RIMBP2: variants seen among roughly 807,000 people sequenced by gnomAD.
RIMBP2 encodes RIMS-binding protein 2.
RIMBP2 carries 48 observed loss-of-function variants against 118.6 expected under a neutral mutation model. The observed-to-expected ratio is 0.40, with a 90% confidence interval of 0.32 to 0.51. The LOEUF (loss-of-function observed/expected upper bound fraction) is 0.51. RIMBP2 is among the 20% of genes least tolerant of loss of function. RIMBP2 has a pLI of 0.41. For missense variants in RIMBP2, 1,551 were observed against 1,768.3 expected (o/e 0.88, Z 2.20); for synonymous variants, 762 against 742.9 (o/e 1.03, Z -0.42).
intron 2 of RIMBP2, among the ~76,000 whole-genome samples, chr12:130,569,381 C>G (rs780225250): frequency 6.6e-6 from 1 of 152,212 alleles, no homozygotes; most frequent in African/African-American, 2.4e-5. Context: ...CTTCTTCTCA[C>G]GCCCAGTTCT....
chr12:130,464,768 C>A (rs1007815620), intron 6 of RIMBP2, among the ~76,000 whole-genome samples: 1 of 152,208 alleles, frequency 6.6e-6, no homozygotes, highest in Admixed American at 6.5e-5. Flanking sequence ...CCAGGGCCCA[C>A]CTAAGCCCAA....
Position 130,424,691 on chromosome 12 carries a change from C to T in RIMBP2, c.2580G>A (p.Arg860=), listed in dbSNP as rs2076661201. ...KQGAGPSPRA[R]TGLAREPRPG... is the part of the protein sequence containing the mutation. Reference sequence around the variant, plus strand: ...GCCTGGGCTCTCTGGCCAGCCCCGTCCTGGCCCTGGGGGACGGCCCTGCAC... The same window carrying T: ...GCCTGGGCTCTCTGGCCAGCCCCGTTCTGGCCCTGGGGGACGGCCCTGCAC... Residue 860 remains arginine, a synonymous_variant, in exon 16 of 23, where the codon AGG becomes AGA. Transcript: ENST00000690449. The surrounding 1 kb of genome is among the most constrained non-coding windows in gnomAD (Gnocchi z 9.8). 4.1e-6 allele frequency: 5 copies of T among 1,232,052 alleles called. No homozygotes were observed. The highest frequency in any genetic ancestry group is 4.1e-5 in the South Asian group (1 of 24,318). 76.3% of individuals were successfully genotyped at this position (1,232,052 alleles called of 1,614,324 possible). A position where few individuals can be genotyped will look rare whatever the true frequency, so the allele number is the denominator to read the frequency against.
At chr12:130,684,357 G>A (rs1363630301) in intron 1 of RIMBP2, among the ~76,000 whole-genome samples, 3 of 152,194 alleles carry the variant, frequency 2.0e-5, no homozygotes, top group Non-Finnish European at 4.4e-5. Flanking sequence ...ACCACCTTGG[G>A]CACATGTTCT....
chr12:130,616,289 C>G (rs986905106), intron 2 of RIMBP2, among the ~76,000 whole-genome samples: 3 of 151,888 alleles, frequency 2.0e-5, no homozygotes, highest in Admixed American at 6.6e-5. Context: ...TGTTCTCCCC[C>G]CATGTCTCTC....
chr12:130,687,651 A>G (rs1249847292), intron 1 of RIMBP2, among the ~76,000 whole-genome samples: 2 of 152,238 alleles, frequency 1.3e-5, no homozygotes, highest in East Asian at 1.9e-4. Context: ...ATGGAAAATC[A>G]TTTAGGCAAT....
At position 130,547,936 on chromosome 12, in the gene RIMBP2, C is replaced by T. The variant is rs541010195; in HGVS notation, c.-216-30019G>A. Among the ~76,000 whole-genome samples the T allele has an allele frequency of 9.6e-4, 146 of 152,326 alleles. 1 individual carries two copies. The highest frequency in any genetic ancestry group is 3.4e-3 in the African/African-American group (140 of 41,590). On this transcript the variant is annotated intron_variant, in intron 2 of 22. Coordinates refer to ENST00000690449, the MANE Select transcript of RIMBP2 (RefSeq NM_001393629.1). ...TCTCTCTTTCATCTCTTTCTGCCTACTGAATGTCTTGTAATTCTGCTGTTG... is the reference window on the plus strand; with the variant it reads ...TCTCTCTTTCATCTCTTTCTGCCTATTGAATGTCTTGTAATTCTGCTGTTG...
chr12:130,507,916 G>T (rs1396723751), intron 3 of RIMBP2, among the ~76,000 whole-genome samples: 4 of 152,126 alleles, frequency 2.6e-5, no homozygotes, highest in Non-Finnish European at 5.9e-5. Flanking sequence ...AACTTCTGGG[G>T]CACCAAAAGA....
At chr12:130,551,911 A>C (rs1403893424) in intron 2 of RIMBP2, among the ~76,000 whole-genome samples, 1 of 152,258 alleles carries the variant, frequency 6.6e-6, no homozygotes, top group Admixed American at 6.5e-5. Context: ...ACATTATGTT[A>C]GTGGCAAATC....
intron 2 of RIMBP2, among the ~76,000 whole-genome samples, chr12:130,518,685 T>C (rs1317398423): frequency 6.6e-6 from 1 of 152,130 alleles, no homozygotes; most frequent in Non-Finnish European, 1.5e-5. Context: ...AACTCGGAGC[T>C]GCCAATAATA....
chr12:130,513,260 A>G (rs906724287), intron 3 of RIMBP2, among the ~76,000 whole-genome samples: 11 of 152,244 alleles, frequency 7.2e-5, no homozygotes, highest in Non-Finnish European at 1.3e-4. Flanking sequence ...CACAAACACA[A>G]CAGCACATTA....
rs1269020006 is a variant in RIMBP2, at chr12:130,399,717, A to C, written c.3862T>G (p.Tyr1288Asp). Reference protein sequence around the residue: ...EVYLSDAPSHYSQDTPMRSKA... With the variant: ...EVYLSDAPSHDSQDTPMRSKA... ...GAGCGCATTGGCGTATCTTGAGAGT[A>C]GTGGGATGGAGCATCAGAAAGATAG... The change falls in exon 22 of 23, where the codon TAC (tyrosine) becomes GAC (aspartate). Residue 1288 changes from tyrosine to aspartate, a missense_variant. Coordinates refer to ENST00000690449, the MANE Select transcript of RIMBP2 (RefSeq NM_001393629.1). 1.2e-6 allele frequency: 2 copies of C among 1,614,114 alleles called. No homozygotes were observed. Among genetic ancestry groups the C allele is most frequent in the African/African-American group, 2.7e-5 (2 of 74,950 alleles).
intron 2 of RIMBP2, among the ~76,000 whole-genome samples, chr12:130,625,868 C>G (rs185724208): frequency 6.6e-6 from 1 of 152,062 alleles, no homozygotes; most frequent in Admixed American, 6.6e-5. Flanking sequence ...TCCCATAGGC[C>G]AAGTATAATA....
intron 2 of RIMBP2, among the ~76,000 whole-genome samples, chr12:130,619,311 A>C (rs1449893734): frequency 3.9e-5 from 6 of 152,244 alleles, no homozygotes; most frequent in Non-Finnish European, 8.8e-5. Context: ...GGAGGGTGCT[A>C]CGCAACAGTC....
intron 4 of RIMBP2, among the ~76,000 whole-genome samples, chr12:130,485,926 G>A (rs1032591074): frequency 4.6e-5 from 7 of 152,198 alleles, no homozygotes; most frequent in African/African-American, 1.2e-4. Flanking sequence ...TCAGAAAGGC[G>A]TGAGCGGGAG....
chr12:130,418,981 TG>T (rs2076260583), intron 17 of RIMBP2, among the ~76,000 whole-genome samples: 1 of 151,992 alleles, frequency 6.6e-6, no homozygotes, highest in South Asian at 2.1e-4. Flanking sequence ...AAGACAGGTG[TG>T]GGGTAGAGGT....
chr12:130,625,568 T>C (rs2061571332), intron 2 of RIMBP2, among the ~76,000 whole-genome samples: 1 of 152,216 alleles, frequency 6.6e-6, no homozygotes, highest in South Asian at 2.1e-4. Flanking sequence ...TATTTTCTAA[T>C]TGCTCTCCCT....
intron 5 of RIMBP2, among the ~76,000 whole-genome samples, chr12:130,474,034 A>G (rs1007753890): frequency 6.6e-6 from 1 of 152,206 alleles, no homozygotes; most frequent in Admixed American, 6.5e-5. Flanking sequence ...ACACCACTGG[A>G]TTATCATAAT....
At position 130,437,177 on chromosome 12, in the gene RIMBP2, C is replaced by T. The variant is rs200419075; in HGVS notation, c.1771G>A (p.Val591Met). The stretch of plus-strand genomic sequence containing the variant: ...GGAACGGCAGCAACTGCAGAGTCCA[C>T]GGACTCGCCCTGGGCGGAGAGGGTC... ...VRTLSAQGES[V>M]DSAVAAVPPE... Residue 591 changes from valine to methionine, a missense_variant, in exon 13 of 23, where the codon GTG becomes ATG. Around this residue, in one of 5 missense-constraint regions of RIMBP2, gnomAD observed 1,038 missense variants for 1,125.1 expected, o/e 0.92. Transcript: ENST00000690449. 35 of 1,586,930 alleles carry T rather than the reference C, an allele frequency of 2.2e-5. No individual in the cohort carries two copies. The highest frequency in any genetic ancestry group is 1.7e-4 in the Middle Eastern group (1 of 6,022).
In RIMBP2 at chr12:130,406,196, T is replaced by G. The variant is rs1308681935; in HGVS notation, c.3741A>C (p.Glu1247Asp). 2 of 1,598,766 alleles carry G rather than the reference T, an allele frequency of 1.3e-6. No homozygotes were observed. Among genetic ancestry groups the G allele is most frequent in the African/African-American group, 2.7e-5 (2 of 74,590 alleles). Residue 1247 changes from glutamate to aspartate, a missense_variant, in exon 21 of 23, where the codon GAA becomes GAC. Coordinates refer to ENST00000690449, the MANE Select transcript of RIMBP2 (RefSeq NM_001393629.1). Reference sequence around the variant, plus strand: ...CATAATAAAATCCATCTTCATCAATTTCACCAAAAACTGTAATAATATCTC... The same window carrying G: ...CATAATAAAATCCATCTTCATCAATGTCACCAAAAACTGTAATAATATCTC... ...CTGDIITVFG[E>D]IDEDGFYYGE... is the part of the protein sequence containing the mutation.
Sources: gnomAD v4.1 joint callset for allele counts (sites outside exome capture counted in the v4.1 genomes callset) on GRCh38, gnomAD v4.1.1 for gene constraint, gnomAD v4.1.1 regional missense constraint, Gnocchi (gnomAD v3.1) non-coding constraint, MANE v1.5 for transcripts, NCBI Gene and HGNC (gene_info 2026-07-23, HGNC 2026-07-21) for gene names.